The following CASQ2 variants were observed in gnomAD, a reference collection of about 807,000 sequenced individuals.
CASQ2 encodes the protein calsequestrin-2.
In CASQ2, 49 loss-of-function variants were observed where a neutral mutation model predicts 46.5. The ratio of observed to expected loss-of-function variants is 1.05; its 90% CI spans 0.84 to 1.34. The LOEUF (loss-of-function observed/expected upper bound fraction) is 1.34, where lower values mean the gene tolerates loss of function less well. CASQ2 is among the 40% of genes most tolerant of loss of function. The probability of loss-of-function intolerance (pLI) is 0.00; values close to 1 mark genes in which losing one functional copy is unlikely to be tolerated. For missense variants in CASQ2, 486 were observed against 481.3 expected (o/e 1.01, Z -0.09); for synonymous variants, 174 against 168.5 (o/e 1.03, Z -0.25).
At chr1:115,733,606 G>A (rs1647863790) in intron 4 of CASQ2, among the ~76,000 whole-genome samples, 1 of 152,126 alleles carries the variant, frequency 6.6e-6, no homozygotes, top group Non-Finnish European at 1.5e-5. Flanking sequence ...ACTGGCCGAG[G>A]CAGTATGAGA....
chr1:115,744,538 T>C (rs1327551637), intron 2 of CASQ2, among the ~76,000 whole-genome samples: 1 of 152,220 alleles, frequency 6.6e-6, no homozygotes, highest in East Asian at 1.9e-4. Context: ...TAGCTTGCTT[T>C]AGAAGCTGAA....
chr1:115,733,305 A>C (rs990777576), intron 4 of CASQ2, among the ~76,000 whole-genome samples: 1 of 152,194 alleles, frequency 6.6e-6, no homozygotes, highest in Non-Finnish European at 1.5e-5. Flanking sequence ...AAGACCTTTC[A>C]TTCTAACTCA....
intron 1 of CASQ2, among the ~76,000 whole-genome samples, chr1:115,762,326 G>A (rs369471019): frequency 1.3e-5 from 2 of 152,218 alleles, no homozygotes; most frequent in African/African-American, 4.8e-5. Flanking sequence ...AAAGATTATT[G>A]AGTGTCTGTT....
At chr1:115,759,971 C>T (rs4143097) in intron 1 of CASQ2, among the ~76,000 whole-genome samples, 57,232 of 152,058 alleles carry the variant, frequency 0.38, 12,490 homozygotes, top group Non-Finnish European at 0.5. Flanking sequence ...CTAGAAAGAT[C>T]TCAAATAGGG....
chr1:115,730,383 T>G (rs1570821576), intron 5 of CASQ2, among the ~76,000 whole-genome samples: 1 of 152,348 alleles, frequency 6.6e-6, no homozygotes, highest in East Asian at 1.9e-4. Flanking sequence ...TTCCATCTTC[T>G]CTTTCCCACA....
intron 1 of CASQ2, among the ~76,000 whole-genome samples, chr1:115,766,409 T>A (rs1027794400): frequency 3.9e-5 from 6 of 152,184 alleles, no homozygotes; most frequent in South Asian, 2.1e-4. Context: ...TTGTAAGGAT[T>A]AAACAAGCTA....
At chr1:115,712,791 G>GGTTGCAGT (rs1654588291) in intron 8 of CASQ2, among the ~76,000 whole-genome samples, 1 of 150,220 alleles carries the variant, frequency 6.7e-6, no homozygotes, top group South Asian at 2.1e-4. Flanking sequence ...GGGAGGTGGA[G>GGTTGCAGT]GTTGCAGTGA....
rs768587375 is a variant in CASQ2 at position 115,738,207 on chromosome 1, G to A, written c.532+17C>T. The A allele has an allele frequency of 4.8e-6, 7 of 1,459,018 alleles. No individual in the cohort carries two copies. In the East Asian group the frequency reaches 6.8e-5, roughly 14 times the overall value. 90.4% of individuals were successfully genotyped at this position (1,459,018 alleles called of 1,614,324 possible). A position where few individuals can be genotyped will look rare whatever the true frequency, so the allele number is the denominator to read the frequency against. On this transcript the variant is annotated intron_variant, in intron 4 of 10. Transcript: ENST00000261448. ...CTAGCTTTTAGACTGATCGGCTGGG[G>A]TTGGCAGACAACTTACATTCTGAGT... is the stretch of plus-strand genomic sequence containing the variant.
At chr1:115,764,617 C>G (rs1451769199) in intron 1 of CASQ2, among the ~76,000 whole-genome samples, 1 of 152,124 alleles carries the variant, frequency 6.6e-6, no homozygotes, top group African/African-American at 2.4e-5. Context: ...TAGATGACTC[C>G]CACAGTTCTT....
intron 1 of CASQ2, among the ~76,000 whole-genome samples, chr1:115,750,193 A>C (rs769745684): frequency 6.6e-6 from 1 of 152,258 alleles, no homozygotes; most frequent in Non-Finnish European, 1.5e-5. Context: ...AAAGAGTTAC[A>C]TACGTGAGAA....
chr1:115,738,559 T>A (rs1648046252), intron 3 of CASQ2, among the ~76,000 whole-genome samples: 2 of 152,194 alleles, frequency 1.3e-5, no homozygotes, highest in African/African-American at 4.8e-5. Context: ...ACCTATTCCT[T>A]TTGCCAGTTT....
chr1:115,738,158 A>T, intron 4 of CASQ2, 66 bp downstream of exon 4: 1 of 949,386 alleles, frequency 1.1e-6, no homozygotes, highest in South Asian at 1.3e-5. Flanking sequence ...CTTTTGGGGT[A>T]ACCTGACATA....
At chr1:115,723,664 A>G (rs1176192525) in intron 7 of CASQ2, among the ~76,000 whole-genome samples, 2 of 152,004 alleles carry the variant, frequency 1.3e-5, no homozygotes, top group African/African-American at 4.8e-5. Flanking sequence ...CAGCCTCCAG[A>G]GTAGGTGGGA....
rs143491959 is a variant in CASQ2 at position 115,766,392 on chromosome 1, A to G, written c.234+1916T>C. 2.4e-3 allele frequency among the ~76,000 whole-genome samples: 370 copies of G among 152,356 alleles called. 2 individuals carry two copies. The highest frequency in any genetic ancestry group is 8.5e-3 in the African/African-American group (352 of 41,574). ...GAATTGGTAACTGTACCTACTTAAT[A>G]GAATTATTGTAAGGATTAAACAAGC... On this transcript the variant is annotated intron_variant, in intron 1 of 10. Coordinates refer to ENST00000261448, the MANE Select transcript of CASQ2 (RefSeq NM_001232.4).
chr1:115,767,545 A>G (rs1649174412), intron 1 of CASQ2, among the ~76,000 whole-genome samples: 1 of 152,078 alleles, frequency 6.6e-6, no homozygotes, highest in South Asian at 2.1e-4. Flanking sequence ...CATTCTTGGC[A>G]CCCTCAGGCC....
At chr1:115,711,268 C>T (rs899750960) in intron 8 of CASQ2, among the ~76,000 whole-genome samples, 1 of 152,182 alleles carries the variant, frequency 6.6e-6, no homozygotes. Context: ...AAGTGGGGTC[C>T]TGCCCTTGCT....
At position 115,768,332 on chromosome 1, in the gene CASQ2, G is replaced by A. The variant is rs774492523; in HGVS notation, c.210C>T (p.Phe70=). ...CCTCAAGCACGATTTCTTTCAGTTG[G>A]AACTGTTTTTGCGTGACCTTATCTG... is the stretch of plus-strand genomic sequence containing the variant. ...VSSDKVTQKQ[F]QLKEIVLELV... is the part of the protein sequence containing the mutation. Residue 70 remains phenylalanine (F), a synonymous_variant, in exon 1 of 11, where the codon TTC becomes TTT. Transcript: ENST00000261448. The A allele has an allele frequency of 2.5e-6, 4 of 1,613,106 alleles. No homozygotes were observed. Among genetic ancestry groups the A allele is most frequent in the South Asian group, 2.2e-5 (2 of 91,038 alleles).
intron 4 of CASQ2, among the ~76,000 whole-genome samples, chr1:115,734,015 T>C (rs539168049): frequency 6.6e-6 from 1 of 152,264 alleles, no homozygotes; most frequent in South Asian, 2.1e-4. Flanking sequence ...AAATGCAGCA[T>C]GATAGTTGTT....
intron 1 of CASQ2, among the ~76,000 whole-genome samples, chr1:115,759,818 A>T (rs561682209): frequency 6.6e-6 from 1 of 152,268 alleles, no homozygotes; most frequent in South Asian, 2.1e-4. Context: ...TAGATTTGCC[A>T]TCTCTTTTGG....
Sources: gnomAD v4.1 joint callset for allele counts (sites outside exome capture counted in the v4.1 genomes callset) on GRCh38, gnomAD v4.1.1 for gene constraint, MANE v1.5 for transcripts, NCBI Gene and HGNC (gene_info 2026-07-23, HGNC 2026-07-21) for gene names.